The following CNTNAP4 variants were observed in gnomAD, a reference collection of about 807,000 sequenced individuals.
CNTNAP4 encodes the protein contactin associated protein family member 4.
Under a neutral mutation model 148.4 loss-of-function variants are expected in CNTNAP4, and 98 were observed. That is an observed-to-expected ratio of 0.66 (90% confidence interval 0.56 to 0.78). The LOEUF (loss-of-function observed/expected upper bound fraction) is 0.78. Among genes scored for constraint, CNTNAP4 ranks in the 30% least tolerant of loss-of-function variants. The pLI is 0.00. For synonymous variants in CNTNAP4, 730 were observed against 565.1 expected, an observed-to-expected ratio of 1.29 and a Z score of -4.14; for missense variants, 1,935 against 1,565.6, an observed-to-expected ratio of 1.24 and a Z score of -3.98.
intron 3 of CNTNAP4, among the ~76,000 whole-genome samples, chr16:76,378,807 G>T (rs1179918985): frequency 6.6e-6 from 1 of 152,134 alleles, no homozygotes; most frequent in Non-Finnish European, 1.5e-5. Context: ...GAGAAAACCC[G>T]GCCCAGCTGT....
chr16:76,358,954 A>G (rs2013059644), intron 3 of CNTNAP4, among the ~76,000 whole-genome samples: 1 of 152,118 alleles, frequency 6.6e-6, no homozygotes, highest in Non-Finnish European at 1.5e-5. Context: ...ATTCTATTCC[A>G]TAGTTACTCT....
Position 76,302,070 on chromosome 16 carries a change from A to C in CNTNAP4, c.86-14343A>C, listed in dbSNP as rs115505659. Among the ~76,000 whole-genome samples, 798 of 152,206 alleles carry C rather than the reference A, an allele frequency of 5.2e-3. 4 individuals are homozygous for C. The highest frequency in any genetic ancestry group is 0.013 in the African/African-American group (550 of 41,534). ...GGCCCAAGTTTCTGAGAAACAACCG[A>C]AGCGACCATTACCATGGTGACTTAG... On this transcript the variant is annotated intron_variant, in intron 1 of 23. Coordinates refer to ENST00000611870, the MANE Select transcript of CNTNAP4 (RefSeq NM_033401.5).
intron 13 of CNTNAP4, among the ~76,000 whole-genome samples, chr16:76,493,844 G>C (rs2082311143): frequency 6.6e-6 from 1 of 152,288 alleles, no homozygotes; most frequent in East Asian, 1.9e-4. Flanking sequence ...AACCCTGGGA[G>C]AGAGCTTGTC....
At chr16:76,288,117 T>C (rs1463686835) in intron 1 of CNTNAP4, among the ~76,000 whole-genome samples, 1 of 152,058 alleles carries the variant, frequency 6.6e-6, no homozygotes, top group African/African-American at 2.4e-5. Flanking sequence ...GTTGTCCCCA[T>C]ACTGTTCTTG....
At chr16:76,369,840 T>G (rs1303349473) in intron 3 of CNTNAP4, among the ~76,000 whole-genome samples, 7 of 152,084 alleles carry the variant, frequency 4.6e-5, no homozygotes, top group Admixed American at 2.0e-4. Context: ...AGACCCTGTT[T>G]CAAAGAGAGG....
chr16:76,360,272 C>A (rs892919405), intron 3 of CNTNAP4, among the ~76,000 whole-genome samples: 2 of 152,164 alleles, frequency 1.3e-5, no homozygotes, highest in Non-Finnish European at 2.9e-5. Context: ...ACAAAATATT[C>A]AGGCCATTAT....
Position 76,479,452 on chromosome 16 carries a change from A to T in CNTNAP4, c.1796A>T (p.His599Leu), listed in dbSNP as rs1012062627. 1.2e-5 allele frequency: 19 copies of T among 1,610,912 alleles called. No homozygotes were observed. Among genetic ancestry groups the T allele is most frequent in the Non-Finnish European group, 1.4e-5 (17 of 1,178,630 alleles). ...GAGCAGTCATGTGAAGCCTATAAGC[A>T]CAGAGGAAATACTTCAGGGTTTTAC... ...IYEQSCEAYK[H>L]RGNTSGFYYI... is the part of the protein sequence containing the mutation. The change falls in exon 12 of 24, where the codon CAC becomes CTC. Residue 599 changes from histidine (H) to leucine (L), a missense_variant. Physicochemically the swap from His to Leu is moderately conservative, Grantham distance 99. Coordinates refer to ENST00000611870, the MANE Select transcript of CNTNAP4 (RefSeq NM_033401.5).
intron 1 of CNTNAP4, among the ~76,000 whole-genome samples, chr16:76,301,859 T>C (rs1960004571): frequency 6.6e-6 from 1 of 152,090 alleles, no homozygotes; most frequent in Middle Eastern, 3.2e-3. Context: ...AGTGACAGGT[T>C]GGTTTTGCAC....
intron 1 of CNTNAP4, among the ~76,000 whole-genome samples, chr16:76,282,119 T>C (rs1453675676): frequency 1.3e-5 from 2 of 151,916 alleles, no homozygotes; most frequent in Non-Finnish European, 2.9e-5. Flanking sequence ...GTCTTAATTA[T>C]TTAGCACACA....
rs533761461 is a variant in CNTNAP4 at position 76,538,246 on chromosome 16, C to A, written c.3126C>A (p.Ile1042=). 2.7e-5 allele frequency: 43 copies of A among 1,611,046 alleles called. 1 individual carries two copies. In the East Asian group the frequency reaches 9.2e-4, roughly 34 times the overall value. The change falls in exon 19 of 24, where the codon ATC becomes ATA. Residue 1042 remains isoleucine, a synonymous_variant. Coordinates refer to ENST00000611870, the MANE Select transcript of CNTNAP4 (RefSeq NM_033401.5). Reference sequence around the variant, plus strand: ...ATATGAAGCTGAGCAGAGAAATGATCAAATTTAGTTTCCGAACAACACGAA... The same window carrying A: ...ATATGAAGCTGAGCAGAGAAATGATAAAATTTAGTTTCCGAACAACACGAA... The part of the protein sequence containing the change: ...HGDMKLSREM[I]KFSFRTTRTP...
intron 23 of CNTNAP4, among the ~76,000 whole-genome samples, chr16:76,555,181 G>T (rs1207914169): frequency 6.6e-6 from 1 of 151,986 alleles, no homozygotes; most frequent in Non-Finnish European, 1.5e-5. Flanking sequence ...GACATATATT[G>T]CTTTCAAGTA....
chr16:76,489,873 C>T lies in CNTNAP4; in HGVS notation c.2070C>T (p.Val690=), dbSNP rs748326912. 5 of 1,550,134 alleles carry T rather than the reference C, an allele frequency of 3.2e-6. No homozygotes were observed. In the East Asian group the frequency reaches 9.3e-5, roughly 29 times the overall value. Residue 690 remains valine (V), a synonymous_variant, in exon 13 of 24, where the codon GTC becomes GTT. Coordinates refer to ENST00000611870, the MANE Select transcript of CNTNAP4 (RefSeq NM_033401.5). ...FTYYCKKSRL[V]NKQDGTPLSW... ...ATTACTGCAAGAAGTCACGGCTGGT[C>T]AATAAGCAAGGTAAGTAAACCATGG...
chr16:76,453,502 A>T (rs1425870453), intron 8 of CNTNAP4, among the ~76,000 whole-genome samples: 1 of 152,158 alleles, frequency 6.6e-6, no homozygotes, highest in Non-Finnish European at 1.5e-5. Context: ...GCTCTACATC[A>T]CATTTTTACG....
chr16:76,471,573 C>T (rs956124267), intron 10 of CNTNAP4, among the ~76,000 whole-genome samples: 3 of 152,264 alleles, frequency 2.0e-5, no homozygotes, highest in East Asian at 3.9e-4. Context: ...CTCCAGCCTC[C>T]ATGGCACCGT....
chr16:76,516,227 C>A (rs1333746235), intron 15 of CNTNAP4, among the ~76,000 whole-genome samples: 6 of 151,916 alleles, frequency 3.9e-5, no homozygotes, highest in African/African-American at 1.5e-4. Context: ...TGTGCTGAGA[C>A]TAATGGTTTC....
At chr16:76,386,825 G>T (rs1323855504) in intron 3 of CNTNAP4, among the ~76,000 whole-genome samples, 2 of 152,272 alleles carry the variant, frequency 1.3e-5, no homozygotes, top group East Asian at 3.9e-4. Flanking sequence ...GATTACACAG[G>T]TGGGCCCAGT....
chr16:76,363,923 C>T (rs142587254), intron 3 of CNTNAP4, among the ~76,000 whole-genome samples: 6 of 152,066 alleles, frequency 3.9e-5, no homozygotes, highest in African/African-American at 1.4e-4. Flanking sequence ...CTGTGAGGTG[C>T]ATGTATATTG....
intron 3 of CNTNAP4, among the ~76,000 whole-genome samples, chr16:76,415,020 C>G (rs1029834959): frequency 2.0e-5 from 3 of 150,718 alleles, no homozygotes; most frequent in Non-Finnish European, 4.5e-5. Context: ...AATAATACCT[C>G]TTGTAGAAAG....
intron 3 of CNTNAP4, among the ~76,000 whole-genome samples, chr16:76,408,032 T>C (rs888053657): frequency 1.3e-5 from 2 of 152,030 alleles, no homozygotes; most frequent in African/African-American, 4.8e-5. Flanking sequence ...AGATTAAAAT[T>C]TACTGAAGAC....
Sources: gnomAD v4.1 joint callset for allele counts (sites outside exome capture counted in the v4.1 genomes callset) on GRCh38, gnomAD v4.1.1 for gene constraint, MANE v1.5 for transcripts, NCBI Gene and HGNC (gene_info 2026-07-23, HGNC 2026-07-21) for gene names.